The following MAP4 variants were observed in gnomAD, a reference collection of about 807,000 sequenced individuals.
MAP4 encodes microtubule associated protein 4.
In MAP4, 76 loss-of-function variants were observed where a neutral mutation model predicts 170.2. The observed-to-expected ratio is 0.45, with a 90% CI of 0.37 to 0.54. MAP4 has a LOEUF of 0.54. MAP4 is among the 20% of genes least tolerant of loss of function. The pLI, the probability that MAP4 is intolerant of heterozygous loss-of-function variation, is 0.00. For missense variants in MAP4, 2,506 were observed against 2,748.0 expected (o/e 0.91, Z 1.97); for synonymous variants, 909 against 994.5 (o/e 0.91, Z 1.62).
At chr3:47,887,599 C>T (rs538128507) in intron 10 of MAP4, among the ~76,000 whole-genome samples, 20 of 152,350 alleles carry the variant, frequency 1.3e-4, no homozygotes, top group African/African-American at 3.1e-4. Flanking sequence ...GAACGCACCA[C>T]GGCGCAGGAC....
intron 5 of MAP4, among the ~76,000 whole-genome samples, chr3:47,919,517 C>T (rs1359894633): frequency 6.6e-6 from 1 of 151,424 alleles, no homozygotes; most frequent in Non-Finnish European, 1.5e-5. Flanking sequence ...ACTATGTTGG[C>T]CAGATTGGTC....
Position 47,891,483 on chromosome 3 carries a change from T to C in MAP4, c.5434+11467A>G, listed in dbSNP as rs1159363189. On this transcript the variant is annotated intron_variant, in intron 10 of 20. Coordinates refer to ENST00000683076, the MANE Select transcript of MAP4 (RefSeq NM_001385682.1). ...GGTGTAGGACTAGGCATTGGGCTAC[T>C]AGGGGGAGGCAGCAGGCCAGAAGAA... The C allele has an allele frequency of 4.0e-6, 6 of 1,518,230 alleles. No individual in the cohort carries two copies. The African/African-American group carries it at 4.1e-5, about 10-fold the overall frequency. The allele number at this position is 1,518,230 out of a possible 1,614,324, so 94.0% of individuals were successfully genotyped here. A position where few individuals can be genotyped will look rare whatever the true frequency, so the allele number is the denominator to read the frequency against.
rs1403294618 is a variant in MAP4, at chr3:47,912,114, C to T, written c.2307G>A (p.Lys769=). Residue 769 remains lysine, a synonymous_variant, in exon 9 of 21, where the codon AAG becomes AAA. Transcript: ENST00000683076. ...TTTGCTTTGGTTTCTTCTTCTTTTT[C>T]TTCATCATTATTGGTGTGCTTTCTA... The part of the protein sequence containing the change: ...WDIESTPIMM[K]KKKKKPKQKR... 6.5e-7 allele frequency: 1 copy of T among 1,536,020 alleles called. No homozygotes were observed. The highest frequency in any genetic ancestry group is 1.4e-5 in the African/African-American group (1 of 73,020).
At chr3:48,005,735 A>C (rs939365332) in intron 1 of MAP4, among the ~76,000 whole-genome samples, 2 of 152,196 alleles carry the variant, frequency 1.3e-5, no homozygotes, top group Non-Finnish European at 2.9e-5. Flanking sequence ...AGGGTCCAGA[A>C]GATATACCCT....
intron 3 of MAP4, among the ~76,000 whole-genome samples, chr3:47,952,170 G>C (rs1284329913): frequency 1.3e-5 from 2 of 151,958 alleles, no homozygotes; most frequent in East Asian, 3.9e-4. Context: ...CCCCGTCTGG[G>C]AAGTGAGGAG....
chr3:47,889,546 G>C (rs1430009584), intron 10 of MAP4, among the ~76,000 whole-genome samples: 1 of 152,240 alleles, frequency 6.6e-6, no homozygotes, highest in African/African-American at 2.4e-5. Context: ...TTTATCTACA[G>C]AGTGGTTAGC....
chr3:48,047,946 CAG>C (rs769176939), intron 1 of MAP4, among the ~76,000 whole-genome samples: 2 of 152,084 alleles, frequency 1.3e-5, no homozygotes, highest in Non-Finnish European at 2.9e-5. Context: ...AATAAAGAGA[CAG>C]AGAGAGATGT....
At chr3:48,005,636 G>A (rs1288107314) in intron 1 of MAP4, among the ~76,000 whole-genome samples, 2 of 152,224 alleles carry the variant, frequency 1.3e-5, no homozygotes, top group African/African-American at 2.4e-5. Flanking sequence ...ATATCTCTTG[G>A]TTTAATGTAG....
At chr3:47,949,867 C>T (rs1482391539) in intron 3 of MAP4, among the ~76,000 whole-genome samples, 2 of 140,804 alleles carry the variant, frequency 1.4e-5, no homozygotes, top group Admixed American at 7.1e-5. Context: ...GCGGTGCTCA[C>T]CCACCAGTTT....
chr3:47,888,814 T>C (rs139173491), intron 10 of MAP4, among the ~76,000 whole-genome samples: 2 of 152,354 alleles, frequency 1.3e-5, no homozygotes, highest in East Asian at 1.9e-4. Context: ...CTTTGGAATA[T>C]TTCCTTAACC....
At chr3:47,962,023 A>C (rs2100071834) in intron 3 of MAP4, among the ~76,000 whole-genome samples, 1 of 152,056 alleles carries the variant, frequency 6.6e-6, no homozygotes, top group African/African-American at 2.4e-5. Context: ...GCATAAAGAC[A>C]CTCCTACCAG....
intron 15 of MAP4, among the ~76,000 whole-genome samples, chr3:47,870,180 A>G (rs1234038330): frequency 2.6e-5 from 4 of 152,144 alleles, no homozygotes; most frequent in Admixed American, 6.5e-5. Flanking sequence ...CAGAGTTCCC[A>G]TGGTTACCAA....
intron 10 of MAP4, among the ~76,000 whole-genome samples, chr3:47,898,824 T>C (rs1307053881): frequency 6.6e-6 from 1 of 152,060 alleles, no homozygotes; most frequent in Non-Finnish European, 1.5e-5. Context: ...GGTGTGGTGG[T>C]GCATGCCCAT....
chr3:47,943,809 C>T (rs1315531489), intron 3 of MAP4, among the ~76,000 whole-genome samples: 1 of 151,944 alleles, frequency 6.6e-6, no homozygotes, highest in Admixed American at 6.6e-5. Context: ...TTTGCTTCAA[C>T]CAGAAATTCT....
chr3:47,979,448 A>C (rs1162497883), intron 2 of MAP4, among the ~76,000 whole-genome samples: 1 of 152,054 alleles, frequency 6.6e-6, no homozygotes, highest in African/African-American at 2.4e-5. Flanking sequence ...TGTCTTGATT[A>C]CTGTATTTGT....
intron 1 of MAP4, among the ~76,000 whole-genome samples, chr3:48,025,291 AC>A (rs1391392788): frequency 6.9e-6 from 1 of 145,010 alleles, no homozygotes; most frequent in Non-Finnish European, 1.5e-5. Flanking sequence ...ATACCTACAC[AC>A]TTTTTTTTTT....
At chr3:47,997,866 C>A (rs890601796) in intron 2 of MAP4, among the ~76,000 whole-genome samples, 4 of 152,240 alleles carry the variant, frequency 2.6e-5, no homozygotes, top group South Asian at 2.1e-4. Context: ...TTGAAAGATA[C>A]AAACTACCAA....
chr3:48,040,335 C>A (rs996350599), intron 1 of MAP4, among the ~76,000 whole-genome samples: 28 of 152,062 alleles, frequency 1.8e-4, no homozygotes, highest in African/African-American at 6.5e-4. Context: ...GTGGCGTGAT[C>A]TCGGCTCACT....
intron 1 of MAP4, among the ~76,000 whole-genome samples, chr3:48,001,177 T>C (rs1445254455): frequency 6.6e-6 from 1 of 152,184 alleles, no homozygotes; most frequent in Admixed American, 6.5e-5. Context: ...CTACATCTTC[T>C]AGGCAAGTGT....
Sources: gnomAD v4.1 joint callset for allele counts (sites outside exome capture counted in the v4.1 genomes callset) on GRCh38, gnomAD v4.1.1 for gene constraint, MANE v1.5 for transcripts, NCBI Gene and HGNC (gene_info 2026-07-23, HGNC 2026-07-21) for gene names.